C2CD3: variants seen among roughly 807,000 people sequenced by gnomAD.
C2CD3 encodes the protein C2 domain containing 3 centriole elongation regulator.
A neutral mutation model predicts 234.0 loss-of-function variants in C2CD3; 148 were observed. That is an observed-to-expected ratio of 0.63 (90% CI 0.55 to 0.72). The LOEUF is 0.72. Among genes scored for constraint, C2CD3 ranks in the 30% least tolerant of loss-of-function variants. The probability of loss-of-function intolerance (pLI) is 0.00; values close to 1 mark genes in which losing one functional copy is unlikely to be tolerated. For missense variants in C2CD3, 2,577 were observed against 2,811.5 expected (o/e 0.92, Z 1.89); for synonymous variants, 1,000 against 1,035.4 (o/e 0.97, Z 0.66).
At chr11:74,141,281 C>T (rs1012281279) in intron 3 of C2CD3, among the ~76,000 whole-genome samples, 2 of 152,192 alleles carry the variant, frequency 1.3e-5, no homozygotes, top group Admixed American at 6.5e-5. Context: ...TCCTTCAAAT[C>T]TATTCATCAT....
At chr11:74,057,584 C>T in intron 24 of C2CD3, 40 bp from the exon 25 acceptor site, 1 of 1,608,580 alleles carries the variant, frequency 6.2e-7, no homozygotes. Context: ...CTTTAGGGTA[C>T]ACAAGAAGCC....
chr11:74,068,856 A>T (rs1954666668), intron 24 of C2CD3, among the ~76,000 whole-genome samples: 1 of 152,186 alleles, frequency 6.6e-6, no homozygotes, highest in Non-Finnish European at 1.5e-5. Context: ...CCCAGGCTGG[A>T]GTGCAGAGGC....
At chr11:74,154,863 A>C (rs1396463946) in intron 3 of C2CD3, among the ~76,000 whole-genome samples, 3 of 152,250 alleles carry the variant, frequency 2.0e-5, no homozygotes, top group Admixed American at 6.5e-5. Context: ...AGTCATCAGG[A>C]AATACAAATG....
intron 18 of C2CD3, 134 bp from the exon 19 acceptor site, chr11:74,092,722 G>T: frequency 1.5e-6 from 1 of 669,608 alleles, no homozygotes; most frequent in Non-Finnish European, 2.5e-6. Context: ...CAGCTATGGT[G>T]TCTGGCTAAA....
chr11:74,125,993 G>A (rs1442777518), intron 7 of C2CD3, among the ~76,000 whole-genome samples: 1 of 151,928 alleles, frequency 6.6e-6, no homozygotes, highest in Non-Finnish European at 1.5e-5. Flanking sequence ...CTATTTCTTA[G>A]ACTATATGTC....
In C2CD3 at chr11:74,106,441, T is replaced by C. The variant is rs1248429403; in HGVS notation, c.2015A>G (p.Glu672Gly). Reference sequence around the variant, plus strand: ...AAGCTGATCACTGAAAGAAAGCAGCTCTGATTGAATGACAGCTCGCAAAGA... The same window carrying C: ...AAGCTGATCACTGAAAGAAAGCAGCCCTGATTGAATGACAGCTCGCAAAGA... The part of the protein sequence containing the change: ...SLSLRAVIQS[E>G]LLSFSDQLPV... The change falls in exon 13 of 33, where the codon GAG becomes GGG. Residue 672 changes from glutamate to glycine, a missense_variant. Transcript: ENST00000334126. 1 of 1,613,912 alleles carries C rather than the reference T, an allele frequency of 6.2e-7. No individual in the cohort carries two copies. Among genetic ancestry groups the C allele is most frequent in the Admixed American group, 1.7e-5 (1 of 60,004 alleles).
rs71469494 is a variant in C2CD3, at chr11:74,117,361, AATATAT to A, written c.1520+861_1520+866del. Among the ~76,000 whole-genome samples the A allele has an allele frequency of 1.3e-4, 12 of 94,846 alleles. No individual in the cohort carries two copies. In the South Asian group the frequency reaches 1.4e-3, roughly 11 times the overall value. The allele number at this position is 94,846 out of a possible 152,430, so 62.2% of individuals were successfully genotyped here. A position where few individuals can be genotyped will look rare whatever the true frequency, so the allele number is the denominator to read the frequency against. ...ACATCGTCTAAGTCATTTGGCCTCAAATATATATATATATATATATATATATATATG... is the reference window on the plus strand; with the variant it reads ...ACATCGTCTAAGTCATTTGGCCTCAAATATATATATATATATATATATATG... On this transcript the variant is annotated intron_variant, in intron 9 of 32. Transcript: ENST00000334126.
intron 8 of C2CD3, among the ~76,000 whole-genome samples, chr11:74,121,654 A>ATTTAGTGTTCTATTAG (rs1957221397): frequency 1.3e-5 from 2 of 152,086 alleles, no homozygotes; most frequent in African/African-American, 4.8e-5. Context: ...AATGAATTAA[A>ATTTAGTGTTCTATTAG]AACAGTATTT....
At chr11:74,039,038 A>G (rs1264963605) in intron 29 of C2CD3, among the ~76,000 whole-genome samples, 1 of 152,164 alleles carries the variant, frequency 6.6e-6, no homozygotes, top group Admixed American at 6.5e-5. Context: ...TCCTTATTCT[A>G]TCACTAGAGG....
In C2CD3 at chr11:74,078,637, C is replaced by G; in HGVS notation, c.4081G>C (p.Gly1361Arg). 6.2e-7 allele frequency: 1 copy of G among 1,614,178 alleles called. No homozygotes were observed. Residue 1361 changes from glycine (G) to arginine (R), a missense_variant, in exon 23 of 33, where the codon GGT becomes CGT. Transcript: ENST00000334126. ...HGLELMQKIV[G>R]GLELSISFTH... ...AAGGAAATCGAAAGCTCCAGACCAC[C>G]CACGATCTTCTGCATGAGCTCCAGG...
intron 28 of C2CD3, among the ~76,000 whole-genome samples, chr11:74,047,414 T>C (rs560798019): frequency 1.3e-5 from 2 of 152,336 alleles, no homozygotes; most frequent in African/African-American, 4.8e-5. Context: ...GTGACACTTT[T>C]ATAAAAGAGA....
At chr11:74,100,135 GT>G (rs1956259839) in intron 15 of C2CD3, among the ~76,000 whole-genome samples, 1 of 152,174 alleles carries the variant, frequency 6.6e-6, no homozygotes, top group Non-Finnish European at 1.5e-5. Flanking sequence ...TGACAATAGA[GT>G]TTTTTGGTGA....
intron 13 of C2CD3, among the ~76,000 whole-genome samples, chr11:74,104,627 T>TA (rs1956442125): frequency 6.6e-6 from 1 of 151,856 alleles, no homozygotes; most frequent in African/African-American, 2.4e-5. Flanking sequence ...GTAAAGGGTA[T>TA]AAAAAAGTCT....
At position 74,037,359 on chromosome 11, in the gene C2CD3, G is replaced by A. The variant is rs1343368707; in HGVS notation, c.5881+119C>T. The A allele has an allele frequency of 5.0e-6, 4 of 797,302 alleles. No individual in the cohort carries two copies. The East Asian group carries it at 7.3e-5, about 15-fold the overall frequency. The allele number at this position is 797,302 out of a possible 1,614,324, so 49.4% of individuals were successfully genotyped here. On this transcript the variant is annotated intron_variant, in intron 30 of 32. Coordinates refer to ENST00000334126, the MANE Select transcript of C2CD3 (RefSeq NM_001286577.2). Reference sequence around the variant, plus strand: ...GTTAAAAAAAAAAAAAAAGGAAGAGGGTGAAAACAATTGGTCTCTATTTGT... The same window carrying A: ...GTTAAAAAAAAAAAAAAAGGAAGAGAGTGAAAACAATTGGTCTCTATTTGT...
intron 2 of C2CD3, among the ~76,000 whole-genome samples, chr11:74,162,910 T>C (rs1329686814): frequency 6.6e-6 from 1 of 152,140 alleles, no homozygotes; most frequent in African/African-American, 2.4e-5. Flanking sequence ...TTGCATACTC[T>C]TGGGTTATAT....
In C2CD3 at chr11:74,055,955, T is replaced by C. The variant is rs61901183; in HGVS notation, c.5091-1284A>G. On this transcript the variant is annotated intron_variant, in intron 25 of 32. Transcript: ENST00000334126. ...GGTTTTTAGGTTGTGAATGAACAAGTCACCTCCACTTAGAAGCTCAGTCCT... is the reference window on the plus strand; with the variant it reads ...GGTTTTTAGGTTGTGAATGAACAAGCCACCTCCACTTAGAAGCTCAGTCCT... Among the ~76,000 whole-genome samples the C allele has an allele frequency of 3.1e-3, 467 of 152,334 alleles. 1 individual carries two copies. The highest frequency in any genetic ancestry group is 5.0e-3 in the Non-Finnish European group (338 of 68,028).
intron 22 of C2CD3, among the ~76,000 whole-genome samples, chr11:74,082,343 CTGACCTT>C (rs1955419899): frequency 6.6e-6 from 1 of 152,034 alleles, no homozygotes; most frequent in African/African-American, 2.4e-5. Flanking sequence ...TCTCAATCTC[CTGACCTT>C]GTGATCCGCC....
At chr11:74,096,694 A>T (rs923516970) in intron 16 of C2CD3, among the ~76,000 whole-genome samples, 1 of 152,020 alleles carries the variant, frequency 6.6e-6, no homozygotes, top group African/African-American at 2.4e-5. Flanking sequence ...TCTAACCTTT[A>T]CTATGGAATT....
chr11:74,132,392 T>C (rs1337273211), intron 7 of C2CD3, among the ~76,000 whole-genome samples: 1 of 152,150 alleles, frequency 6.6e-6, no homozygotes, highest in African/African-American at 2.4e-5. Context: ...AAATATTATG[T>C]GTCAAGCATT....
Sources: allele counts gnomAD v4.1 joint callset (sites outside exome capture counted in the v4.1 genomes callset), GRCh38; gene constraint gnomAD v4.1.1; transcripts MANE v1.5; gene names NCBI Gene and HGNC (gene_info 2026-07-23, HGNC 2026-07-21).